The following CIT variants were observed in gnomAD, a reference collection of about 807,000 sequenced individuals.
The protein encoded by CIT is citron rho-interacting serine/threonine kinase.
Under a neutral mutation model 272.7 loss-of-function variants are expected in CIT, and 79 were observed. The ratio of observed to expected loss-of-function variants is 0.29; its 90% CI spans 0.24 to 0.35. CIT has a LOEUF of 0.35. Ranked by LOEUF, CIT falls within the 10% of genes least tolerant of loss-of-function variation. The pLI, the probability that CIT is intolerant of heterozygous loss-of-function variation, is 1.00. For synonymous variants in CIT, 948 were observed against 995.6 expected (o/e 0.95, Z 0.90); for missense variants, 1,909 against 2,618.3 (o/e 0.73, Z 5.91).
chr12:119,859,357 A>G (rs1257744021), intron 3 of CIT, among the ~76,000 whole-genome samples: 1 of 152,214 alleles, frequency 6.6e-6, no homozygotes, highest in Non-Finnish European at 1.5e-5. Context: ...GGCAGCAGAT[A>G]AGGTTAGGAG....
chr12:119,833,698 T>C (rs1004151962), intron 6 of CIT, among the ~76,000 whole-genome samples: 3 of 149,556 alleles, frequency 2.0e-5, no homozygotes, highest in African/African-American at 7.4e-5. Flanking sequence ...TTGTAAATTC[T>C]AACGGGCAGA....
Position 119,782,543 on chromosome 12 carries a change from C to T in CIT, c.1640G>A (p.Arg547Gln), listed in dbSNP as rs761025109. ...CTGCTCTTTGATTTCTTGGAGCTTCCGGCTCTGCTCTCTGATATCATGGAG... is the reference window on the plus strand; with the variant it reads ...CTGCTCTTTGATTTCTTGGAGCTTCTGGCTCTGCTCTCTGATATCATGGAG... ...QLLHDIREQS[R>Q]KLQEIKEQEY... Residue 547 changes from arginine to glutamine, a missense_variant, in exon 13 of 48, where the codon CGG becomes CAG. By Grantham distance (43) the Arg-to-Gln change is conservative. Transcript: ENST00000392521. The T allele has an allele frequency of 9.3e-6, 15 of 1,613,894 alleles. No homozygotes were observed. The Admixed American group carries it at 1.3e-4, about 14-fold the overall frequency.
chr12:119,857,126 T>C (rs974761393), intron 4 of CIT, among the ~76,000 whole-genome samples: 3 of 152,194 alleles, frequency 2.0e-5, no homozygotes, highest in African/African-American at 7.2e-5. Flanking sequence ...AAAGGCCTGT[T>C]TTAAAACCAA....
At chr12:119,722,369 A>G (rs1227103337) in intron 28 of CIT, among the ~76,000 whole-genome samples, 1 of 152,142 alleles carries the variant, frequency 6.6e-6, no homozygotes, top group African/African-American at 2.4e-5. Flanking sequence ...AAAGCAATAA[A>G]CATCATCACT....
intron 9 of CIT, among the ~76,000 whole-genome samples, chr12:119,815,105 AACACAC>A (rs3858712): frequency 0.6 from 85,276 of 142,860 alleles, 25,956 homozygotes; most frequent in East Asian, 0.81. Flanking sequence ...ACACACACAC[AACACAC>A]ACACACACAC....
At chr12:119,702,681 C>G (rs1956658585) in intron 41 of CIT, among the ~76,000 whole-genome samples, 1 of 151,060 alleles carries the variant, frequency 6.6e-6, no homozygotes, top group Non-Finnish European at 1.5e-5. Context: ...GAGCAAAACT[C>G]TGTCTCAAAA....
At chr12:119,781,933 G>C (rs1485779447) in intron 13 of CIT, among the ~76,000 whole-genome samples, 1 of 152,064 alleles carries the variant, frequency 6.6e-6, no homozygotes, top group Non-Finnish European at 1.5e-5. Context: ...AACTTTTGCT[G>C]TAAGAAGCCA....
At chr12:119,815,204 T>C in intron 9 of CIT, among the ~76,000 whole-genome samples, 1 of 145,458 alleles carries the variant, frequency 6.9e-6, no homozygotes, top group Non-Finnish European at 1.5e-5. Context: ...GAAAAAATAA[T>C]GTCAAAATCA....
chr12:119,745,166 CTA>C (rs973711519), intron 23 of CIT, among the ~76,000 whole-genome samples: 2 of 146,606 alleles, frequency 1.4e-5, no homozygotes, highest in Admixed American at 6.8e-5. Context: ...CTAAAGCACA[CTA>C]TAATGAAACT....
In CIT at chr12:119,757,452, C is replaced by T. The variant is rs1961158510; in HGVS notation, c.2625G>A (p.Leu875=). The T allele has an allele frequency of 1.2e-6, 2 of 1,614,074 alleles. No individual in the cohort carries two copies. The highest frequency in any genetic ancestry group is 2.7e-5 in the African/African-American group (2 of 74,924). The change falls in exon 22 of 48, where the codon CTG becomes CTA. Residue 875 remains leucine (L), a synonymous_variant. Transcript: ENST00000392521. ...AGKLEAQNRK[L]EEQLEKISHQ... ...GGCTGATCTTCTCCAGCTGCTCCTC[C>T]AGTTTTCGGTTCTGGGCCTCCAACT... is the stretch of plus-strand genomic sequence containing the variant.
At chr12:119,743,271 T>A (rs1959150578) in intron 23 of CIT, among the ~76,000 whole-genome samples, 1 of 151,296 alleles carries the variant, frequency 6.6e-6, no homozygotes, top group South Asian at 2.1e-4. Flanking sequence ...AGAAACTTAC[T>A]TAGATGGGAT....
chr12:119,756,478 C>T (rs1164914800), intron 22 of CIT, among the ~76,000 whole-genome samples: 1 of 152,168 alleles, frequency 6.6e-6, no homozygotes, highest in East Asian at 1.9e-4. Flanking sequence ...CAGGCTGAGG[C>T]GAACTGGTGC....
In CIT at chr12:119,757,557, G is replaced by T. The variant is rs112202573; in HGVS notation, c.2532-12C>A. ...CTTCTTGGGCCTTCCTGGTGGGGGTGGTGGGAGGATCCAAACAAAATCACA... is the reference window on the plus strand; with the variant it reads ...CTTCTTGGGCCTTCCTGGTGGGGGTTGTGGGAGGATCCAAACAAAATCACA... On this transcript the variant is annotated splice_polypyrimidine_tract_variant and intron_variant, in intron 21 of 47. Transcript: ENST00000392521. 6.2e-7 allele frequency: 1 copy of T among 1,613,744 alleles called. No individual in the cohort carries two copies. Among genetic ancestry groups the T allele is most frequent in the Non-Finnish European group, 8.5e-7 (1 of 1,179,894 alleles).
intron 4 of CIT, among the ~76,000 whole-genome samples, chr12:119,856,571 G>A (rs1324545683): frequency 3.3e-5 from 5 of 151,372 alleles, no homozygotes; most frequent in African/African-American, 4.9e-5. Context: ...ACACACACTT[G>A]CATAGCATTC....
intron 22 of CIT, among the ~76,000 whole-genome samples, chr12:119,753,956 G>T (rs544933155): frequency 6.6e-6 from 1 of 152,272 alleles, no homozygotes; most frequent in Non-Finnish European, 1.5e-5. Flanking sequence ...AAGACAATGG[G>T]TCAGAAACTC....
At chr12:119,753,035 G>A (rs183796428) in intron 22 of CIT, among the ~76,000 whole-genome samples, 125 of 152,234 alleles carry the variant, frequency 8.2e-4, no homozygotes, top group African/African-American at 2.7e-3. Flanking sequence ...GCAGGTAAGA[G>A]GTGAAAGAAA....
At position 119,690,567 on chromosome 12, in the gene CIT, A is replaced by C. The variant is rs146443646; in HGVS notation, c.5883-113T>G. ...CCCAGCCTCACCACTGATTATCAAG[A>C]GATTAGACCTGGAGTTCTTTGGACT... On this transcript the variant is annotated intron_variant, in intron 46 of 47. Transcript: ENST00000392521. This position sits in a 1 kb window ranked among gnomAD's most constrained non-coding sequence, Gnocchi z 6.0. 4.6e-5 allele frequency: 46 copies of C among 1,009,754 alleles called. No homozygotes were observed. The East Asian group carries it at 1.3e-3, about 28-fold the overall frequency. The allele number at this position is 1,009,754 out of a possible 1,614,324, so 62.5% of individuals were successfully genotyped here.
chr12:119,789,231 C>T (rs1423340369), intron 10 of CIT, among the ~76,000 whole-genome samples: 1 of 152,198 alleles, frequency 6.6e-6, no homozygotes, highest in Non-Finnish European at 1.5e-5. Flanking sequence ...AACCATGGTG[C>T]TAATTAGAAG....
At chr12:119,750,116 G>A (rs1960014892) in intron 23 of CIT, among the ~76,000 whole-genome samples, 1 of 152,224 alleles carries the variant, frequency 6.6e-6, no homozygotes, top group African/African-American at 2.4e-5. Context: ...TTAAATTGCT[G>A]ATGTCTCTTT....
Sources: gnomAD v4.1 joint callset for allele counts (sites outside exome capture counted in the v4.1 genomes callset) on GRCh38, gnomAD v4.1.1 for gene constraint, Gnocchi (gnomAD v3.1) non-coding constraint, MANE v1.5 for transcripts, NCBI Gene and HGNC (gene_info 2026-07-23, HGNC 2026-07-21) for gene names.